Variants in BPIFC observed in about 807,000 individuals in gnomAD.
BPIFC encodes BPI fold containing family C, also known as BPI fold-containing family C protein.
Under a neutral mutation model 57.6 loss-of-function variants are expected in BPIFC, and 60 were observed. The observed-to-expected ratio is 1.04, with a 90% CI of 0.85 to 1.29. BPIFC has a LOEUF of 1.29. BPIFC is among the 50% of genes most tolerant of loss of function. The pLI is 0.00. For synonymous variants in BPIFC, 243 were observed against 224.5 expected, an observed-to-expected ratio of 1.08 and a Z score of -0.74; for missense variants, 581 against 600.5, an observed-to-expected ratio of 0.97 and a Z score of 0.34.
intron 3 of BPIFC, among the ~76,000 whole-genome samples, chr22:32,455,258 C>T (rs1935008374): frequency 6.6e-6 from 1 of 151,894 alleles, no homozygotes; most frequent in Non-Finnish European, 1.5e-5. Context: ...ACCATGTTGA[C>T]CTGGATGGTC....
intron 13 of BPIFC, among the ~76,000 whole-genome samples, chr22:32,423,577 G>GGTGGGTGGGTGTGTGTGTGT (rs1556036075): frequency 2.1e-5 from 3 of 143,198 alleles, no homozygotes; most frequent in African/African-American, 8.0e-5. Context: ...GTAGGGTGTG[G>GGTGGGTGGGTGTGTGTGTGT]GTGTGTGTGT....
At chr22:32,426,640 C>G (rs1423627298) in intron 13 of BPIFC, among the ~76,000 whole-genome samples, 2 of 152,100 alleles carry the variant, frequency 1.3e-5, no homozygotes, top group African/African-American at 4.8e-5. Flanking sequence ...GCCTGTAATC[C>G]CAGCACTTTG....
intron 2 of BPIFC, among the ~76,000 whole-genome samples, chr22:32,457,995 C>T (rs1601487510): frequency 6.6e-6 from 1 of 152,190 alleles, no homozygotes; most frequent in East Asian, 1.9e-4. Flanking sequence ...GGCCATTGCT[C>T]CTTTCTGGCC....
intron 8 of BPIFC, among the ~76,000 whole-genome samples, chr22:32,442,342 C>G (rs1934587605): frequency 6.6e-6 from 1 of 152,150 alleles, no homozygotes; most frequent in Non-Finnish European, 1.5e-5. Flanking sequence ...CCCAGAATAA[C>G]CTGGTCAAGA....
intron 13 of BPIFC, among the ~76,000 whole-genome samples, chr22:32,424,669 T>TCCTCCTCCTCCTCCTCC (rs1933976356): frequency 1.6e-5 from 1 of 63,328 alleles, no homozygotes; most frequent in Non-Finnish European, 2.8e-5. Context: ...CTTCTTCTTC[T>TCCTCCTCCTCCTCCTCC]TCTTCTTCTT....
Position 32,432,506 on chromosome 22 carries a change from A to C in BPIFC, c.1016T>G (p.Val339Gly). 1 of 1,614,142 alleles carries C rather than the reference A, an allele frequency of 6.2e-7. No individual in the cohort carries two copies. The highest frequency in any genetic ancestry group is 8.5e-7 in the Non-Finnish European group (1 of 1,180,016). The change falls in exon 12 of 17, where the codon GTG becomes GGG. Residue 339 changes from valine to glycine, a missense_variant. Transcript: ENST00000300399. ...EIYILSQPFM[V>G]RIMATEPPII... Reference sequence around the variant, plus strand: ...GGGAGGCTCTGTGGCCATGATCCTCACCATGAAGGGCTGGGACAAGATGTA... The same window carrying C: ...GGGAGGCTCTGTGGCCATGATCCTCCCCATGAAGGGCTGGGACAAGATGTA...
At position 32,447,271 on chromosome 22, in the gene BPIFC, C is replaced by T. The variant is rs148657721; in HGVS notation, c.315G>A (p.Ala105=). The T allele has an allele frequency of 1.7e-4, 276 of 1,614,036 alleles. No homozygotes were observed. Among genetic ancestry groups the T allele is most frequent in the Non-Finnish European group, 2.1e-4 (247 of 1,179,972 alleles). The change falls in exon 5 of 17, where the codon GCG becomes GCA. Residue 105 remains alanine, a synonymous_variant. Coordinates refer to ENST00000300399, the MANE Select transcript of BPIFC (RefSeq NM_174932.3). ...TGTTGGCAGTGCCATGGTTGGTTAG[C>T]GCTTTGATTCCCACTCCAGGCACAA... The part of the protein sequence containing the change: ...LAFVPGVGIK[A]LTNHGTANIS...
At position 32,453,544 on chromosome 22, in the gene BPIFC, G is replaced by A. The variant is rs768301124; in HGVS notation, c.125-41C>T. On this transcript the variant is annotated intron_variant, in intron 3 of 16. Coordinates refer to ENST00000300399, the MANE Select transcript of BPIFC (RefSeq NM_174932.3). Reference sequence around the variant, plus strand: ...GAAAGAATCTGTTGATAATGACAAAGATAATAATAGCATAATAACATTAAC... The same window carrying A: ...GAAAGAATCTGTTGATAATGACAAAAATAATAATAGCATAATAACATTAAC... 4 of 1,544,166 alleles carry A rather than the reference G, an allele frequency of 2.6e-6. No homozygotes were observed. In the South Asian group the frequency reaches 4.9e-5, roughly 19 times the overall value.
chr22:32,446,821 G>C (rs1219089451), intron 5 of BPIFC: 23 of 985,052 alleles, frequency 2.3e-5, no homozygotes, highest in Non-Finnish European at 2.3e-5. Flanking sequence ...CAACCTCTGT[G>C]TGAGGGAGAA....
At chr22:32,416,144 A>G (rs551580330) in intron 15 of BPIFC, among the ~76,000 whole-genome samples, 153 bp from the exon 16 acceptor site, 1 of 142,770 alleles carries the variant, frequency 7.0e-6, no homozygotes, top group East Asian at 2.1e-4. Context: ...TAATGGTGTG[A>G]TCTTGGCTCA....
At position 32,435,887 on chromosome 22, in the gene BPIFC, G is replaced by A; in HGVS notation, c.748-7C>T. ...CCAGTGGGTAGAATACACCCTGTGG[G>A]AAAAGAGAGAGAAAGACCAGTGTAT... On this transcript the variant is annotated splice_region_variant and splice_polypyrimidine_tract_variant and intron_variant, in intron 9 of 16. Coordinates refer to ENST00000300399, the MANE Select transcript of BPIFC (RefSeq NM_174932.3). 6.2e-7 allele frequency: 1 copy of A among 1,606,622 alleles called. No homozygotes were observed. Among genetic ancestry groups the A allele is most frequent in the Non-Finnish European group, 8.5e-7 (1 of 1,177,912 alleles).
At position 32,440,912 on chromosome 22, in the gene BPIFC, A is replaced by AT. The variant is rs566262710; in HGVS notation, c.655+1758dup. 9.4e-4 allele frequency among the ~76,000 whole-genome samples: 143 copies of AT among 151,666 alleles called. 2 individuals are homozygous for AT. The South Asian group carries it at 0.025, about 27-fold the overall frequency. The stretch of plus-strand genomic sequence containing the variant: ...CCCTTGACCCCCTTCCTTCCTGTCT[A>AT]TTTTTTTTAGCACAGAAGCCAGACC... On this transcript the variant is annotated intron_variant, in intron 8 of 16. Coordinates refer to ENST00000300399, the MANE Select transcript of BPIFC (RefSeq NM_174932.3).
chr22:32,447,182 C>T, intron 5 of BPIFC, 30 bp downstream of exon 5: 1 of 1,516,446 alleles, frequency 6.6e-7, no homozygotes. Flanking sequence ...TCTCCCAGAA[C>T]AGCTGCAGAC....
intron 13 of BPIFC, among the ~76,000 whole-genome samples, chr22:32,426,290 C>G (rs1416894416): frequency 6.6e-6 from 1 of 152,168 alleles, no homozygotes; most frequent in East Asian, 1.9e-4. Context: ...CACCCAAGAC[C>G]AAACCAGCTC....
Position 32,437,861 on chromosome 22 carries a change from C to CA in BPIFC, c.656-11dup, listed in dbSNP as rs1240667638. ...TCAATCTTGGTTAAAACTAAATAAC[C>CA]AACAAAGAAAAAAGAAAATCCATAT... On this transcript the variant is annotated splice_polypyrimidine_tract_variant and intron_variant, in intron 8 of 16. Coordinates refer to ENST00000300399, the MANE Select transcript of BPIFC (RefSeq NM_174932.3). 9.6e-6 allele frequency: 15 copies of CA among 1,564,418 alleles called. No homozygotes were observed. The highest frequency in any genetic ancestry group is 9.0e-5 in the East Asian group (4 of 44,554).
intron 1 of BPIFC, among the ~76,000 whole-genome samples, chr22:32,463,601 A>G (rs1233011339): frequency 1.3e-5 from 2 of 152,206 alleles, no homozygotes. Context: ...GGAGTAATGA[A>G]TGAGTAAAAT....
At chr22:32,417,189 CTTTTTTT>C in intron 14 of BPIFC, 41 bp from the exon 15 acceptor site, 7 of 977,400 alleles carry the variant, frequency 7.2e-6, no homozygotes, top group Non-Finnish European at 7.5e-6. Context: ...GCAGATCGGG[CTTTTTTT>C]TTTTTTTTTT....
intron 9 of BPIFC, 38 bp downstream of exon 9, chr22:32,437,722 G>A: frequency 7.1e-7 from 1 of 1,412,464 alleles, no homozygotes; most frequent in East Asian, 2.3e-5. Flanking sequence ...ATTGGCTGTT[G>A]ACAGCCAGGC....
chr22:32,447,083 G>T (rs935209066), intron 5 of BPIFC, 129 bp downstream of exon 5: 2 of 1,292,788 alleles, frequency 1.5e-6, no homozygotes, highest in African/African-American at 1.5e-5. Context: ...GGAAAAAAAT[G>T]CTTTTGAGAA....
Sources: gnomAD v4.1 joint callset for allele counts (sites outside exome capture counted in the v4.1 genomes callset) on GRCh38, gnomAD v4.1.1 for gene constraint, MANE v1.5 for transcripts, NCBI Gene and HGNC (gene_info 2026-07-23, HGNC 2026-07-21) for gene names.